CEACAM3: variants seen among roughly 807,000 people sequenced by gnomAD.
CEACAM3 encodes CEA cell adhesion molecule 3, also known as cell adhesion molecule CEACAM3.
In CEACAM3, 32 loss-of-function variants were observed where a neutral mutation model predicts 30.1. The ratio of observed to expected loss-of-function variants is 1.06; its 90% CI spans 0.80 to 1.43. The LOEUF (loss-of-function observed/expected upper bound fraction) is 1.43, where lower values mean the gene tolerates loss of function less well. Among genes scored for constraint, CEACAM3 ranks in the 40% most tolerant of loss-of-function variants. The pLI is 0.00. For synonymous variants in CEACAM3, 134 were observed against 127.2 expected, an observed-to-expected ratio of 1.05 and a Z score of -0.36; for missense variants, 290 against 316.3, an observed-to-expected ratio of 0.92 and a Z score of 0.63.
intron 4 of CEACAM3, 38 bp from the exon 5 acceptor site, chr19:41,810,285 C>T (rs781864005): frequency 3.1e-6 from 5 of 1,593,128 alleles, no homozygotes; most frequent in Non-Finnish European, 4.3e-6. Context: ...ATAAGGCTCT[C>T]CTCCCACCCT....
intron 5 of CEACAM3, 46 bp from the exon 6 acceptor site, chr19:41,810,786 G>A (rs1555827498): frequency 1.3e-6 from 2 of 1,514,796 alleles, no homozygotes; most frequent in Admixed American, 1.7e-5. Flanking sequence ...TCAGAGACAG[G>A]AAACTTCCAG....
At chr19:41,810,918 T>A (rs782310729) in intron 6 of CEACAM3, 21 bp downstream of exon 6, 1 of 1,609,216 alleles carries the variant, frequency 6.2e-7, no homozygotes. Flanking sequence ...GCCACGGATG[T>A]TCTGGTCCCA....
chr19:41,797,924 G>T lies in CEACAM3; in HGVS notation c.400G>T (p.Ala134Ser), dbSNP rs201879141. The T allele has an allele frequency of 9.3e-6, 15 of 1,609,590 alleles. No individual in the cohort carries two copies. Among genetic ancestry groups the T allele is most frequent in the Non-Finnish European group, 1.3e-5 (15 of 1,177,650 alleles). Residue 134 changes from alanine to serine, a missense_variant, in exon 2 of 7, where the codon GCA (alanine) becomes TCA (serine). By Grantham distance (99) the Ala-to-Ser change is moderately conservative. Transcript: ENST00000357396. The stretch of plus-strand genomic sequence containing the variant: ...AAAGTCAGATCTTGTGAATGAAGAA[G>T]CAACTGGACAGTTCCATGTATACCG... The part of the protein sequence containing the change: ...VIKSDLVNEE[A>S]TGQFHVYQEN...
intron 2 of CEACAM3, among the ~76,000 whole-genome samples, chr19:41,800,333 G>A (rs1349548009): frequency 6.6e-6 from 1 of 152,160 alleles, no homozygotes; most frequent in Non-Finnish European, 1.5e-5. Context: ...CTGGGAAGAC[G>A]CCCGTTGCCA....
chr19:41,808,498 T>C (rs1428719346), intron 2 of CEACAM3, among the ~76,000 whole-genome samples: 1 of 152,060 alleles, frequency 6.6e-6, no homozygotes, highest in African/African-American at 2.4e-5. Flanking sequence ...GTGAGTGTCA[T>C]GGGATGGAAA....
At chr19:41,797,182 A>G (rs2073108871) in intron 1 of CEACAM3, 1 of 237,898 alleles carries the variant, frequency 4.2e-6, no homozygotes, top group Admixed American at 5.0e-5. Flanking sequence ...AAGAGCTTAC[A>G]CTCTTGCAGA....
rs782220453 is a variant in CEACAM3, at chr19:41,796,735, C to T, written c.58C>T (p.Leu20Phe). ...RECIPWQGLL[L>F]TASLLNFWNP... is the part of the protein sequence containing the mutation. The stretch of plus-strand genomic sequence containing the variant: ...ATGCATCCCCTGGCAGGGGCTTCTG[C>T]TCACAGGTGAGTGGAGGATTCCTGG... The change falls in exon 1 of 7, where the codon CTC becomes TTC. Residue 20 changes from leucine (L) to phenylalanine (F), a missense_variant. Coordinates refer to ENST00000357396, the MANE Select transcript of CEACAM3 (RefSeq NM_001815.5). 10 of 1,612,746 alleles carry T rather than the reference C, an allele frequency of 6.2e-6. No individual in the cohort carries two copies. Among genetic ancestry groups the T allele is most frequent in the Admixed American group, 1.7e-5 (1 of 59,834 alleles).
At chr19:41,808,997 C>T in intron 3 of CEACAM3, 67 bp downstream of exon 3, 3 of 1,200,258 alleles carry the variant, frequency 2.5e-6, no homozygotes, top group South Asian at 1.5e-5. Flanking sequence ...GAAAGGAGAC[C>T]TTGTCCTGTA....
intron 6 of CEACAM3, 119 bp from the exon 7 acceptor site, chr19:41,811,053 C>A (rs1333912474): frequency 1.2e-5 from 16 of 1,288,244 alleles, no homozygotes; most frequent in South Asian, 1.1e-4. Flanking sequence ...GAGCAGGAAC[C>A]CCCTGAGCAC....
rs1288668873 is a variant in CEACAM3 at position 41,797,835 on chromosome 19, A to G, written c.311A>G (p.Asn104Ser). ...AGCGGTCGAGAGACAATATACACCA[A>G]TGCATCCCTGCTGATCCAGAATGTC... The part of the protein sequence containing the change: ...AYSGRETIYT[N>S]ASLLIQNVTQ... The change falls in exon 2 of 7, where the codon AAT (asparagine) becomes AGT (serine). Residue 104 changes from asparagine to serine, a missense_variant. Asn to Ser is a conservative substitution (Grantham distance 46, BLOSUM62 1). Transcript: ENST00000357396. 15 of 1,613,290 alleles carry G rather than the reference A, an allele frequency of 9.3e-6. No homozygotes were observed. The highest frequency in any genetic ancestry group is 1.3e-5 in the African/African-American group (1 of 74,184).
At chr19:41,796,816 G>A in intron 1 of CEACAM3, 75 bp downstream of exon 1, 3 of 1,484,380 alleles carry the variant, frequency 2.0e-6, no homozygotes, top group Non-Finnish European at 2.7e-6. Context: ...GGGAGGATGG[G>A]GCTCTGATAG....
Position 41,811,285 on chromosome 19 carries a change from C to T in CEACAM3, c.*48C>T, listed in dbSNP as rs782213352. The T allele has an allele frequency of 5.3e-6, 8 of 1,521,026 alleles. No individual in the cohort carries two copies. In the East Asian group the frequency reaches 1.8e-4, roughly 34 times the overall value. 94.2% of individuals were successfully genotyped at this position (1,521,026 alleles called of 1,614,324 possible). Reference sequence around the variant, plus strand: ...TGTGTTGATGGAGAGTCCCCAAGGCCCCCAGCCCTGGGGATGGGGAAGGAC... The same window carrying T: ...TGTGTTGATGGAGAGTCCCCAAGGCTCCCAGCCCTGGGGATGGGGAAGGAC... On this transcript the variant is annotated 3_prime_UTR_variant, in exon 7 of 7. Transcript: ENST00000357396.
intron 2 of CEACAM3, among the ~76,000 whole-genome samples, chr19:41,802,481 C>G (rs1163154522): frequency 3.9e-5 from 6 of 152,194 alleles, no homozygotes; most frequent in African/African-American, 7.2e-5. Context: ...GGACAGAAAC[C>G]CTGCAGAACC....
rs782617820 is a variant in CEACAM3, at chr19:41,807,062, G to A, written c.425-1751G>A. The A allele has an allele frequency of 5.6e-6, 9 of 1,607,472 alleles. No individual in the cohort carries two copies. The African/African-American group carries it at 9.4e-5, about 17-fold the overall frequency. The stretch of plus-strand genomic sequence containing the variant: ...ATTCTGATTAAAATATGCCTGTGGA[G>A]GAATCACAGGTGCCACACAGGGCAA... On this transcript the variant is annotated intron_variant, in intron 2 of 6. Coordinates refer to ENST00000357396, the MANE Select transcript of CEACAM3 (RefSeq NM_001815.5).
intron 2 of CEACAM3, among the ~76,000 whole-genome samples, chr19:41,800,884 G>A (rs553912088): frequency 9.2e-5 from 14 of 152,018 alleles, no homozygotes; most frequent in South Asian, 2.1e-4. Flanking sequence ...TGATCCCCCC[G>A]GGGCCCAGCT....
rs1263320135 is a variant in CEACAM3 at position 41,796,699 on chromosome 19, C to T, written c.22C>T (p.Pro8Ser). MGPPSAS[P>S]HRECIPWQGL... ...GACCATGGGGCCCCCCTCAGCCTCT[C>T]CCCACAGAGAATGCATCCCCTGGCA... Residue 8 changes from proline to serine, a missense_variant, in exon 1 of 7, where the codon CCC (proline) becomes TCC (serine). Physicochemically the swap from Pro to Ser is moderately conservative, Grantham distance 74 (BLOSUM62 -1). Transcript: ENST00000357396. The T allele has an allele frequency of 6.2e-7, 1 of 1,613,886 alleles. No homozygotes were observed. The highest frequency in any genetic ancestry group is 8.5e-7 in the Non-Finnish European group (1 of 1,179,926).
intron 2 of CEACAM3, among the ~76,000 whole-genome samples, chr19:41,804,572 G>C (rs900346936): frequency 6.6e-6 from 1 of 152,078 alleles, no homozygotes; most frequent in African/African-American, 2.4e-5. Flanking sequence ...GTGTATTATT[G>C]AGACATCTCA....
At chr19:41,807,623 T>C (rs1389045117) in intron 2 of CEACAM3, 1 of 1,204,324 alleles carries the variant, frequency 8.3e-7, no homozygotes, top group Non-Finnish European at 1.1e-6. Flanking sequence ...AACAGGTGAA[T>C]ATCTCAGACC....
chr19:41,807,287 A>G, intron 2 of CEACAM3: 1 of 1,608,478 alleles, frequency 6.2e-7, no homozygotes, highest in South Asian at 1.1e-5. Context: ...GAGGACCCTC[A>G]CTCTACTCAG....
Sources: gnomAD v4.1 joint callset for allele counts (sites outside exome capture counted in the v4.1 genomes callset) on GRCh38, gnomAD v4.1.1 for gene constraint, MANE v1.5 for transcripts, NCBI Gene and HGNC (gene_info 2026-07-23, HGNC 2026-07-21) for gene names.